Variants in TMTC4 observed in about 807,000 individuals in gnomAD.
TMTC4 encodes the protein protein O-mannosyl-transferase TMTC4.
In TMTC4, 65 loss-of-function variants were observed where a neutral mutation model predicts 86.0. That is an observed-to-expected ratio of 0.76 (90% CI 0.62 to 0.93). The LOEUF (loss-of-function observed/expected upper bound fraction) is 0.93. TMTC4 is among the 40% of genes least tolerant of loss of function. The pLI, the probability that TMTC4 is intolerant of heterozygous loss-of-function variation, is 0.00. For missense variants in TMTC4, 866 were observed against 948.1 expected (o/e 0.91, Z 1.14); for synonymous variants, 379 against 382.5 (o/e 0.99, Z 0.11).
intron 6 of TMTC4, among the ~76,000 whole-genome samples, chr13:100,645,839 A>G (rs1883663249): frequency 6.6e-6 from 1 of 151,950 alleles, no homozygotes; most frequent in African/African-American, 2.4e-5. Context: ...CTTTTTTTGG[A>G]GGGGGGTTGC....
At position 100,655,948 on chromosome 13, in the gene TMTC4, TGAA is replaced by T. The variant is rs1885055518; in HGVS notation, c.640+430_640+432del. Among the ~76,000 whole-genome samples the T allele has an allele frequency of 3.9e-5, 6 of 152,214 alleles. No individual in the cohort carries two copies. In the South Asian group the frequency reaches 1.2e-3, roughly 32 times the overall value. On this transcript the variant is annotated intron_variant, in intron 6 of 18. Coordinates refer to ENST00000342624, the MANE Select transcript of TMTC4 (RefSeq NM_032813.5). ...TGGGTTCAGTCTGGACAGGATGGGA[TGAA>T]GGAGGGACAGTGTATGAAAAATCTC... is the stretch of plus-strand genomic sequence containing the variant.
chr13:100,623,263 C>T (rs956831501), intron 15 of TMTC4, among the ~76,000 whole-genome samples: 4 of 152,210 alleles, frequency 2.6e-5, no homozygotes, highest in Admixed American at 1.3e-4. Flanking sequence ...GGCAGAATCT[C>T]ACTCTGTTGC....
intron 3 of TMTC4, among the ~76,000 whole-genome samples, chr13:100,667,203 T>A (rs1238798208): frequency 6.6e-6 from 1 of 152,138 alleles, no homozygotes; most frequent in Non-Finnish European, 1.5e-5. Context: ...GAGGCCAAAG[T>A]AGGCAGATCA....
chr13:100,657,479 ATG>A (rs1302023692), intron 5 of TMTC4, among the ~76,000 whole-genome samples: 1 of 152,216 alleles, frequency 6.6e-6, no homozygotes, highest in Non-Finnish European at 1.5e-5. Context: ...AATATCAACT[ATG>A]TGTTTCTTTC....
chr13:100,648,639 C>T (rs1003802190), intron 6 of TMTC4, among the ~76,000 whole-genome samples: 4 of 152,202 alleles, frequency 2.6e-5, no homozygotes, highest in Non-Finnish European at 5.9e-5. Flanking sequence ...TTAAAGCCAA[C>T]TCTTTCTCCA....
At chr13:100,633,498 G>A (rs961442642) in intron 12 of TMTC4, among the ~76,000 whole-genome samples, 1 of 152,168 alleles carries the variant, frequency 6.6e-6, no homozygotes, top group African/African-American at 2.4e-5. Flanking sequence ...AAGAGGCACA[G>A]CTAGTCAAGT....
intron 15 of TMTC4, among the ~76,000 whole-genome samples, chr13:100,616,864 C>CT (rs1369923504): frequency 1.3e-5 from 2 of 151,984 alleles, no homozygotes; most frequent in Non-Finnish European, 2.9e-5. Context: ...TTTAATGGGG[C>CT]TGTTTTTTTG....
At chr13:100,630,179 C>T (rs1881165913) in intron 12 of TMTC4, among the ~76,000 whole-genome samples, 1 of 151,996 alleles carries the variant, frequency 6.6e-6, no homozygotes, top group Non-Finnish European at 1.5e-5. Context: ...TCCAAATGAC[C>T]CCTGAAAACA....
At chr13:100,649,254 G>A (rs1290716570) in intron 6 of TMTC4, among the ~76,000 whole-genome samples, 1 of 152,196 alleles carries the variant, frequency 6.6e-6, no homozygotes, top group Admixed American at 6.5e-5. Context: ...TGAGTGTTTA[G>A]ATGGCCCAGA....
intron 6 of TMTC4, among the ~76,000 whole-genome samples, chr13:100,647,246 C>T (rs1883871724): frequency 6.6e-6 from 1 of 152,218 alleles, no homozygotes; most frequent in African/African-American, 2.4e-5. Flanking sequence ...TGATTAATTA[C>T]CATGGGATCT....
chr13:100,629,952 C>G (rs1412477212), intron 12 of TMTC4, among the ~76,000 whole-genome samples: 1 of 152,100 alleles, frequency 6.6e-6, no homozygotes, highest in Admixed American at 6.5e-5. Context: ...ACCCTGCTGA[C>G]ACCCTGATGT....
Position 100,635,124 on chromosome 13 carries a change from C to T in TMTC4, c.1274G>A (p.Gly425Asp). ...LPASNLFFRV[G>D]FVVAERVLYL... ...GAGGACACGCTCTGCGACCACGAAG[C>T]CCACTCGGAAGAACAGGTTACTCGC... Residue 425 changes from glycine to aspartate, a missense_variant, in exon 11 of 19, where the codon GGC becomes GAC. Physicochemically the swap from Gly to Asp is moderately conservative, Grantham distance 94. Transcript: ENST00000342624. The T allele has an allele frequency of 6.2e-7, 1 of 1,613,976 alleles. No homozygotes were observed. The highest frequency in any genetic ancestry group is 8.5e-7 in the Non-Finnish European group (1 of 1,179,952).
chr13:100,649,589 G>A (rs1884168459), intron 6 of TMTC4, among the ~76,000 whole-genome samples: 1 of 152,002 alleles, frequency 6.6e-6, no homozygotes, highest in African/African-American at 2.4e-5. Context: ...GTCTATCAGA[G>A]TCTTACTATA....
At chr13:100,629,453 GT>G (rs1881023519) in intron 12 of TMTC4, among the ~76,000 whole-genome samples, 1 of 152,152 alleles carries the variant, frequency 6.6e-6, no homozygotes. Flanking sequence ...TCTCTTCTGA[GT>G]TGATAAACTG....
In TMTC4 at chr13:100,605,955, G is replaced by A. The variant is rs1018762670; in HGVS notation, c.2134+403C>T. On this transcript the variant is annotated intron_variant, in intron 18 of 18. Transcript: ENST00000342624. This position sits in a 1 kb window ranked among gnomAD's most constrained non-coding sequence, Gnocchi z 4.3. ...GGATATAAAGCAGAAGACCAGGCTGGAAGGGGAAGGTCTACTCTGTAAGAA... is the reference window on the plus strand; with the variant it reads ...GGATATAAAGCAGAAGACCAGGCTGAAAGGGGAAGGTCTACTCTGTAAGAA... Among the ~76,000 whole-genome samples, 1 of 152,180 alleles carries A rather than the reference G, an allele frequency of 6.6e-6. No homozygotes were observed. Among genetic ancestry groups the A allele is most frequent in the Non-Finnish European group, 1.5e-5 (1 of 68,008 alleles).
chr13:100,625,519 G>C lies in TMTC4; in HGVS notation c.1836+16C>G, dbSNP rs781729301. On this transcript the variant is annotated intron_variant, in intron 15 of 18. Transcript: ENST00000342624. ...CCCATCTTTCCTTCCACAGGCACAG[G>C]GCACCCCGCGCTTACCAGACGCCCG... The C allele has an allele frequency of 6.2e-7, 1 of 1,612,802 alleles. No individual in the cohort carries two copies. Among genetic ancestry groups the C allele is most frequent in the Non-Finnish European group, 8.5e-7 (1 of 1,180,030 alleles).
rs751379929 is a variant in TMTC4 at position 100,614,411 on chromosome 13, T to C, written c.1856A>G (p.His619Arg). Residue 619 changes from histidine to arginine, a missense_variant, in exon 16 of 19, where the codon CAC (histidine) becomes CGC (arginine). Physicochemically the swap from His to Arg is conservative, Grantham distance 29. Transcript: ENST00000342624. ...LGRLYADLNR[H>R]VDALNAWRNA... ...TCTCCACGCATTCAAGGCATCCACG[T>C]GGCGATTGAGATCTGCATACTGAAA... is the stretch of plus-strand genomic sequence containing the variant. The C allele has an allele frequency of 1.3e-5, 21 of 1,613,128 alleles. No homozygotes were observed. The Admixed American group carries it at 3.5e-4, about 27-fold the overall frequency.
intron 3 of TMTC4, 65 bp from the exon 4 acceptor site, chr13:100,664,401 C>A: frequency 8.5e-7 from 1 of 1,179,182 alleles, no homozygotes; most frequent in South Asian, 1.6e-5. Context: ...CAAGCTCCTC[C>A]ATCTCTCACC....
intron 9 of TMTC4, among the ~76,000 whole-genome samples, chr13:100,637,075 T>G (rs549432298): frequency 1.3e-5 from 2 of 152,290 alleles, no homozygotes; most frequent in Middle Eastern, 3.4e-3. Context: ...ATAACAGGCT[T>G]CGATGGCTGT....
Sources: allele counts gnomAD v4.1 joint callset (sites outside exome capture counted in the v4.1 genomes callset), GRCh38; gene constraint gnomAD v4.1.1; non-coding constraint Gnocchi (gnomAD v3.1); transcripts MANE v1.5; gene names NCBI Gene and HGNC (gene_info 2026-07-23, HGNC 2026-07-21).